The following LRRIQ4 variants were observed in gnomAD, a reference collection of about 807,000 sequenced individuals.
The protein encoded by LRRIQ4 is leucine-rich repeat and IQ domain-containing protein 4.
In LRRIQ4, 21 loss-of-function variants were observed where a neutral mutation model predicts 40.1. The ratio of observed to expected loss-of-function variants is 0.52; its 90% CI spans 0.37 to 0.75. LRRIQ4 has a LOEUF of 0.75. Among genes scored for constraint, LRRIQ4 ranks in the 30% least tolerant of loss-of-function variants. LRRIQ4 has a pLI of 0.00. For synonymous variants in LRRIQ4, 277 were observed against 277.1 expected (o/e 1.00, Z 0.00); for missense variants, 655 against 660.0 (o/e 0.99, Z 0.08).
intron 5 of LRRIQ4, among the ~76,000 whole-genome samples, chr3:169,835,460 C>G (rs1375883256): frequency 1.3e-5 from 2 of 150,674 alleles, no homozygotes; most frequent in Non-Finnish European, 1.5e-5. Flanking sequence ...CAAGCTGTGC[C>G]CTTCCTCTGT....
intron 2 of LRRIQ4, among the ~76,000 whole-genome samples, chr3:169,824,093 C>T (rs1004334957): frequency 2.0e-5 from 3 of 152,026 alleles, no homozygotes; most frequent in African/African-American, 7.3e-5. Context: ...TATGTATATA[C>T]ATACACACAT....
Position 169,825,864 on chromosome 3 carries a change from C to T in LRRIQ4, c.1021-2895C>T, listed in dbSNP as rs530694675. ...GTTTTGTGTGTGTGTGTGCATTTGT[C>T]CTCCCTTCTCAATTTCCTCTTATGC... On this transcript the variant is annotated intron_variant, in intron 2 of 5. Transcript: ENST00000340806. Among the ~76,000 whole-genome samples, 10 of 151,928 alleles carry T rather than the reference C, an allele frequency of 6.6e-5. No individual in the cohort carries two copies. The East Asian group carries it at 1.7e-3, about 26-fold the overall frequency.
At chr3:169,829,492 T>TTG (rs1553922728) in intron 3 of LRRIQ4, among the ~76,000 whole-genome samples, 3 of 150,612 alleles carry the variant, frequency 2.0e-5, no homozygotes, top group South Asian at 2.1e-4. Flanking sequence ...AAAGAACTGT[T>TTG]TTTTTTTTTT....
intron 5 of LRRIQ4, among the ~76,000 whole-genome samples, chr3:169,834,127 T>G (rs1205341450): frequency 6.6e-6 from 1 of 152,188 alleles, no homozygotes; most frequent in East Asian, 1.9e-4. Flanking sequence ...TTTGGGAGGC[T>G]GAGGCGGGTG....
intron 2 of LRRIQ4, among the ~76,000 whole-genome samples, chr3:169,824,850 A>G (rs1031656320): frequency 3.9e-5 from 6 of 152,108 alleles, no homozygotes. Context: ...ATAGCTGTTA[A>G]GAGCAAAAGA....
At chr3:169,817,752 T>C (rs1464452514) in intron 1 of LRRIQ4, among the ~76,000 whole-genome samples, 2 of 152,234 alleles carry the variant, frequency 1.3e-5, no homozygotes, top group Non-Finnish European at 2.9e-5. Flanking sequence ...TAGCTACTCC[T>C]GCTCTTTTTT....
At chr3:169,819,008 T>G (rs1324215803) in intron 1 of LRRIQ4, among the ~76,000 whole-genome samples, 1 of 152,208 alleles carries the variant, frequency 6.6e-6, no homozygotes, top group Non-Finnish European at 1.5e-5. Context: ...GGGTTAGAGT[T>G]ACACAAAGAA....
rs1190980626 is a variant in LRRIQ4, at chr3:169,822,494, A to T, written c.573A>T (p.Glu191Asp). Residue 191 changes from glutamate (E) to aspartate (D), a missense_variant, in exon 2 of 6, where the codon GAA becomes GAT. Physicochemically the swap from Glu to Asp is conservative, Grantham distance 45. Coordinates refer to ENST00000340806, the MANE Select transcript of LRRIQ4 (RefSeq NM_001080460.3). ...AGCTCTGTGTTCTCTACACCCTGGAAATCATTGACCTGGACGAGAACAAAA... is the reference window on the plus strand; with the variant it reads ...AGCTCTGTGTTCTCTACACCCTGGATATCATTGACCTGGACGAGAACAAAA... ...PQELCVLYTL[E>D]IIDLDENKIG... The T allele has an allele frequency of 6.2e-7, 1 of 1,613,912 alleles. No individual in the cohort carries two copies. The highest frequency in any genetic ancestry group is 1.3e-5 in the African/African-American group (1 of 74,928).
intron 4 of LRRIQ4, among the ~76,000 whole-genome samples, chr3:169,831,568 C>A (rs1256704381): frequency 7.1e-6 from 1 of 140,706 alleles, no homozygotes; most frequent in Non-Finnish European, 1.5e-5. Context: ...TCCCAAAGTG[C>A]TGGAATTACA....
intron 5 of LRRIQ4, among the ~76,000 whole-genome samples, chr3:169,836,672 G>A (rs553854033): frequency 6.6e-6 from 1 of 152,290 alleles, no homozygotes; most frequent in African/African-American, 2.4e-5. Flanking sequence ...TGAATTTGGG[G>A]CAACACAGTT....
At chr3:169,825,368 G>A (rs578220835) in intron 2 of LRRIQ4, among the ~76,000 whole-genome samples, 72 of 152,284 alleles carry the variant, frequency 4.7e-4, no homozygotes. Flanking sequence ...TTGCTATGGG[G>A]TTTTAAAGCT....
Position 169,822,929 on chromosome 3 carries a change from T to A in LRRIQ4, c.1008T>A (p.Asn336Lys). Reference protein sequence around the residue: ...KNLEVLGLDDNKIGQLPSELG... With the variant: ...KNLEVLGLDDKKIGQLPSELG... ...TTGAAGTCCTGGGACTGGATGACAA[T>A]AAAATAGGACAGGTACGGATTCCTT... The change falls in exon 2 of 6, where the codon AAT becomes AAA. Residue 336 changes from asparagine to lysine, a missense_variant. Coordinates refer to ENST00000340806, the MANE Select transcript of LRRIQ4 (RefSeq NM_001080460.3). 6.5e-7 allele frequency: 1 copy of A among 1,536,974 alleles called. No homozygotes were observed. Among genetic ancestry groups the A allele is most frequent in the East Asian group, 2.3e-5 (1 of 44,232 alleles).
intron 1 of LRRIQ4, among the ~76,000 whole-genome samples, chr3:169,814,899 T>TC (rs1419049966): frequency 6.6e-6 from 1 of 152,216 alleles, no homozygotes; most frequent in Non-Finnish European, 1.5e-5. Context: ...AACTATCTTT[T>TC]CCCCAATATA....
rs1780188984 is a variant in LRRIQ4, at chr3:169,831,981, A to AAT, written c.1334-1006_1334-1005insAT. Among the ~76,000 whole-genome samples, 8 of 150,278 alleles carry AAT rather than the reference A, an allele frequency of 5.3e-5. No homozygotes were observed. In the East Asian group the frequency reaches 1.6e-3, roughly 30 times the overall value. On this transcript the variant is annotated intron_variant, in intron 4 of 5. Coordinates refer to ENST00000340806, the MANE Select transcript of LRRIQ4 (RefSeq NM_001080460.3). ...ACTCCGTTTTAATAAAAGTTAAAAA[A>AAT]TTTAAAAAAAAAAAGAAAAAAAAAA...
At chr3:169,831,289 T>G (rs1780167563) in intron 4 of LRRIQ4, among the ~76,000 whole-genome samples, 1 of 135,026 alleles carries the variant, frequency 7.4e-6, no homozygotes, top group Non-Finnish European at 1.6e-5. Flanking sequence ...TTTTTTTTTT[T>G]TTAAGACAGA....
In LRRIQ4 at chr3:169,822,661, A is replaced by T. The variant is rs376655644; in HGVS notation, c.740A>T (p.His247Leu). ...CTCGATTTATCCCACAACCTCCTCC[A>T]CTCCATCCCGAAGAGCTTCGCCGAG... ...SVLDLSHNLLHSIPKSFAELR... is the reference protein window; with the variant it reads ...SVLDLSHNLLLSIPKSFAELR... Residue 247 changes from histidine (H) to leucine (L), a missense_variant, in exon 2 of 6, where the codon CAC (histidine) becomes CTC (leucine). Coordinates refer to ENST00000340806, the MANE Select transcript of LRRIQ4 (RefSeq NM_001080460.3). 6.2e-7 allele frequency: 1 copy of T among 1,613,494 alleles called. No individual in the cohort carries two copies. Among genetic ancestry groups the T allele is most frequent in the South Asian group, 1.1e-5 (1 of 91,058 alleles).
At chr3:169,825,845 T>C (rs1229784783) in intron 2 of LRRIQ4, among the ~76,000 whole-genome samples, 1 of 149,620 alleles carries the variant, frequency 6.7e-6, no homozygotes, top group Non-Finnish European at 1.5e-5. Context: ...ATGGGTTTTG[T>C]GTGTGTGTGT....
At chr3:169,830,240 A>G (rs1190952232) in intron 3 of LRRIQ4, among the ~76,000 whole-genome samples, 2 of 149,550 alleles carry the variant, frequency 1.3e-5, no homozygotes, top group Non-Finnish European at 3.0e-5. Context: ...TAAGCACTAG[A>G]TGTCTGTAGT....
At chr3:169,826,834 C>T (rs1780050462) in intron 2 of LRRIQ4, among the ~76,000 whole-genome samples, 1 of 152,122 alleles carries the variant, frequency 6.6e-6, no homozygotes, top group Admixed American at 6.5e-5. Flanking sequence ...CAAAGATTGA[C>T]TTCATCTAAT....
Sources: allele counts gnomAD v4.1 joint callset (sites outside exome capture counted in the v4.1 genomes callset), GRCh38; gene constraint gnomAD v4.1.1; transcripts MANE v1.5; gene names NCBI Gene and HGNC (gene_info 2026-07-23, HGNC 2026-07-21).